NLRC4: variants seen among roughly 807,000 people sequenced by gnomAD.
NLRC4 encodes NLR family CARD domain-containing protein 4.
NLRC4 carries 63 observed loss-of-function variants against 79.9 expected under a neutral mutation model. The ratio of observed to expected loss-of-function variants is 0.79; its 90% CI spans 0.64 to 0.97. NLRC4 has a LOEUF of 0.97. Among genes scored for constraint, NLRC4 ranks in the 50% least tolerant of loss-of-function variants. The pLI is 0.00. For synonymous variants in NLRC4, 461 were observed against 456.5 expected, an observed-to-expected ratio of 1.01 and a Z score of -0.12; for missense variants, 1,074 against 1,215.2, an observed-to-expected ratio of 0.88 and a Z score of 1.73.
rs1325240248 is a variant in NLRC4 at position 32,250,630 on chromosome 2, C to T, written c.1234G>A (p.Asp412Asn). The change falls in exon 4 of 9, where the codon GAT becomes AAT. Residue 412 changes from aspartate to asparagine, a missense_variant. By Grantham distance (23) the Asp-to-Asn change is conservative. Transcript: ENST00000402280. The surrounding 1 kb of genome is among the most constrained non-coding windows in gnomAD (Gnocchi z 4.9). ...FSHKFDFELQ[D>N]VSSVNEDVLL... ...ACATCCTCATTCACGCTGGACACAT[C>T]CTGCAGTTCGAAATCAAACTTGTGG... 1 of 1,614,162 alleles carries T rather than the reference C, an allele frequency of 6.2e-7. No individual in the cohort carries two copies. Among genetic ancestry groups the T allele is most frequent in the South Asian group, 1.1e-5 (1 of 91,076 alleles).
chr2:32,261,316 C>CTTTTTTTTTTTTTTTTTTTTTTTTTTTT (rs751434892), intron 1 of NLRC4, among the ~76,000 whole-genome samples: 2,945 of 96,620 alleles, frequency 0.03, 785 homozygotes, highest in Non-Finnish European at 0.039. Context: ...AGCCTCCCCC[C>CTTTTTTTTTTTTTTTTTTTTTTTTTTTT]TTTTGTTTTT....
Position 32,238,116 on chromosome 2 carries a change from T to C in NLRC4, c.2521+16A>G. On this transcript the variant is annotated intron_variant, in intron 6 of 8. Coordinates refer to ENST00000402280, the MANE Select transcript of NLRC4 (RefSeq NM_001199138.2). ...TGTTATACTGTCCTCATTCAGTTAATGGAAGCAACAGTTACCTAGGATTTT... is the reference window on the plus strand; with the variant it reads ...TGTTATACTGTCCTCATTCAGTTAACGGAAGCAACAGTTACCTAGGATTTT... 1.2e-6 allele frequency: 2 copies of C among 1,606,220 alleles called. No homozygotes were observed. Among genetic ancestry groups the C allele is most frequent in the Non-Finnish European group, 1.7e-6 (2 of 1,174,296 alleles).
intron 2 of NLRC4, among the ~76,000 whole-genome samples, chr2:32,254,893 C>T (rs1269606816): frequency 1.3e-5 from 2 of 151,798 alleles, no homozygotes; most frequent in Non-Finnish European, 2.9e-5. Context: ...GCTAGGATTA[C>T]AGGCATGAGC....
chr2:32,228,578 A>G (rs1686457212), intron 8 of NLRC4, among the ~76,000 whole-genome samples: 1 of 152,196 alleles, frequency 6.6e-6, no homozygotes, highest in Non-Finnish European at 1.5e-5. Context: ...AACAAGAAAA[A>G]TCAAACTCCA....
rs1687262939 is a variant in NLRC4, at chr2:32,258,520, T to TC, written c.-118-1628dup. Among the ~76,000 whole-genome samples the TC allele has an allele frequency of 7.9e-5, 12 of 152,024 alleles. No individual in the cohort carries two copies. In the South Asian group the frequency reaches 2.5e-3, roughly 32 times the overall value. On this transcript the variant is annotated intron_variant, in intron 1 of 8. Coordinates refer to ENST00000402280, the MANE Select transcript of NLRC4 (RefSeq NM_001199138.2). ...GCCCTTCTCTTCCCAGCACTTCCCT[T>TC]CCCCCCTTCCCTATCAATATGAGTA...
At chr2:32,252,881 G>C (rs1024854027) in intron 2 of NLRC4, among the ~76,000 whole-genome samples, 24 of 151,898 alleles carry the variant, frequency 1.6e-4, no homozygotes, top group Non-Finnish European at 2.1e-4. Flanking sequence ...AGCCGGGCGT[G>C]GTGGCGGGCG....
intron 2 of NLRC4, among the ~76,000 whole-genome samples, chr2:32,254,622 T>G (rs1304829545): frequency 2.7e-5 from 4 of 149,278 alleles, no homozygotes; most frequent in African/African-American, 2.5e-5. Flanking sequence ...GGTTTTTTTT[T>G]TTTTTTTTTT....
At chr2:32,238,513 A>G (rs1036931125) in intron 5 of NLRC4, among the ~76,000 whole-genome samples, 8 of 152,174 alleles carry the variant, frequency 5.3e-5, no homozygotes, top group African/African-American at 9.7e-5. Context: ...AATCACTTAT[A>G]TGGAGGTTAT....
intron 2 of NLRC4, among the ~76,000 whole-genome samples, chr2:32,254,355 A>G (rs1009292722): frequency 3.4e-5 from 5 of 147,574 alleles, no homozygotes; most frequent in African/African-American, 1.3e-4. Context: ...TTGTATCTCC[A>G]CAGACTTTGG....
In NLRC4 at chr2:32,251,177, C is replaced by G. The variant is rs367761105; in HGVS notation, c.687G>C (p.Lys229Asn). The G allele has an allele frequency of 6.2e-7, 1 of 1,614,240 alleles. No individual in the cohort carries two copies. The highest frequency in any genetic ancestry group is 8.5e-7 in the Non-Finnish European group (1 of 1,180,040). The change falls in exon 4 of 9, where the codon AAG becomes AAC. Residue 229 changes from lysine (K) to asparagine (N), a missense_variant. Coordinates refer to ENST00000402280, the MANE Select transcript of NLRC4 (RefSeq NM_001199138.2). ...QLLDIPGTIR[K>N]QTFMAMLLKL... ...TCAGCAGCATGGCCATGAATGTCTG[C>G]TTCCTGATTGTGCCAGGTATATCCA...
intron 4 of NLRC4, among the ~76,000 whole-genome samples, chr2:32,247,105 C>G (rs77147423): frequency 0.014 from 2,080 of 152,238 alleles, 48 homozygotes; most frequent in African/African-American, 0.047. Flanking sequence ...TGAGTATCTT[C>G]TACAATTTCC....
chr2:32,261,886 T>C (rs1386185418), intron 1 of NLRC4, among the ~76,000 whole-genome samples: 1 of 151,470 alleles, frequency 6.6e-6, no homozygotes, highest in East Asian at 2.0e-4. Flanking sequence ...ATCGAGACCA[T>C]CCTGGCCAAC....
chr2:32,224,849 AC>A, intron 8 of NLRC4, 84 bp from the exon 9 acceptor site: 2 of 824,058 alleles, frequency 2.4e-6, no homozygotes, highest in South Asian at 4.1e-5. Context: ...TATTTTACAT[AC>A]TTTTTTTTCA....
intron 4 of NLRC4, among the ~76,000 whole-genome samples, chr2:32,245,448 A>G (rs974214297): frequency 2.6e-5 from 4 of 151,984 alleles, no homozygotes; most frequent in Admixed American, 2.6e-4. Context: ...ACTCACGGAG[A>G]GTAGAAGGAT....
Position 32,251,076 on chromosome 2 carries a change from G to T in NLRC4, c.788C>A (p.Ala263Asp). The change falls in exon 4 of 9, where the codon GCC (alanine) becomes GAC (aspartate). Residue 263 changes from alanine to aspartate, a missense_variant. Transcript: ENST00000402280. ...FKPQNCPEIEALIKENHRFKN... is the reference protein window; with the variant it reads ...FKPQNCPEIEDLIKENHRFKN... ...GAAGCGGTGGTTTTCCTTTATCAGG[G>T]CTTCGATTTCTGGGCAGTTCTGGGG... The T allele has an allele frequency of 6.2e-7, 1 of 1,614,062 alleles. No individual in the cohort carries two copies. Among genetic ancestry groups the T allele is most frequent in the Non-Finnish European group, 8.5e-7 (1 of 1,180,018 alleles).
intron 5 of NLRC4, among the ~76,000 whole-genome samples, chr2:32,239,555 A>G (rs948369522): frequency 2.6e-5 from 4 of 152,184 alleles, no homozygotes; most frequent in Non-Finnish European, 5.9e-5. Context: ...AGGGATCATT[A>G]TATCTATGTA....
In NLRC4 at chr2:32,224,467, CTT is replaced by C. The variant is rs758156316; in HGVS notation, c.*4_*5del. The C allele has an allele frequency of 6.3e-7, 1 of 1,578,532 alleles. No homozygotes were observed. Among genetic ancestry groups the C allele is most frequent in the Non-Finnish European group, 8.6e-7 (1 of 1,162,510 alleles). ...AGAGCACTTACTGGCTTCGAGTACA[CTT>C]TATTTAAGCAGTTACTAGTTTAAAA... On this transcript the variant is annotated 3_prime_UTR_variant, in exon 9 of 9. Transcript: ENST00000402280.
chr2:32,261,316 C>CCCTTTTTTTTTTTTTTTTTTTTTT lies in NLRC4; in HGVS notation c.-119+3421_-119+3422insAAAAAAAAAAAAAAAAAAAAAAGG. Reference sequence around the variant, plus strand: ...TTCTTTCGCCTATTAAGCCTCCCCCCTTTTGTTTTTTTTTGAGATGGAGCC... The same window carrying CCCTTTTTTTTTTTTTTTTTTTTTT: ...TTCTTTCGCCTATTAAGCCTCCCCCCCCTTTTTTTTTTTTTTTTTTTTTTTTTTGTTTTTTTTTGAGATGGAGCC... On this transcript the variant is annotated intron_variant, in intron 1 of 8. Coordinates refer to ENST00000402280, the MANE Select transcript of NLRC4 (RefSeq NM_001199138.2). Among the ~76,000 whole-genome samples, 58 of 96,920 alleles carry CCCTTTTTTTTTTTTTTTTTTTTTT rather than the reference C, an allele frequency of 6.0e-4. 2 individuals are homozygous for CCCTTTTTTTTTTTTTTTTTTTTTT. The highest frequency in any genetic ancestry group is 7.0e-4 in the African/African-American group (17 of 24,222). The allele number at this position is 96,920 out of a possible 152,430, so 63.6% of individuals were successfully genotyped here. A position where few individuals can be genotyped will look rare whatever the true frequency, so the allele number is the denominator to read the frequency against.
intron 8 of NLRC4, among the ~76,000 whole-genome samples, chr2:32,233,116 A>G (rs1426426504): frequency 8.3e-6 from 1 of 120,926 alleles, no homozygotes; most frequent in Admixed American, 9.3e-5. Context: ...TCAAAGAGAA[A>G]GAGAGGGGTG....
Sources: allele counts gnomAD v4.1 joint callset (sites outside exome capture counted in the v4.1 genomes callset), GRCh38; gene constraint gnomAD v4.1.1; non-coding constraint Gnocchi (gnomAD v3.1); transcripts MANE v1.5; gene names NCBI Gene and HGNC (gene_info 2026-07-23, HGNC 2026-07-21).